Variants in STYK1 observed in about 807,000 individuals in gnomAD.
STYK1 encodes the protein tyrosine-protein kinase STYK1.
STYK1 carries 46 observed loss-of-function variants against 48.1 expected under a neutral mutation model. That is an observed-to-expected ratio of 0.96 (90% confidence interval 0.75 to 1.22). STYK1 has a LOEUF of 1.22. STYK1 is among the 50% of genes most tolerant of loss of function. The pLI, the probability that STYK1 is intolerant of heterozygous loss-of-function variation, is 0.00. For synonymous variants in STYK1, 188 were observed against 189.0 expected, an observed-to-expected ratio of 0.99 and a Z score of 0.04; for missense variants, 527 against 521.1, an observed-to-expected ratio of 1.01 and a Z score of -0.11.
At chr12:10,643,004 G>T (rs187149117) in intron 1 of STYK1, among the ~76,000 whole-genome samples, 5 of 152,042 alleles carry the variant, frequency 3.3e-5, no homozygotes, top group Admixed American at 3.3e-4. Flanking sequence ...CAATTCTGAC[G>T]GGGGCATTAC....
chr12:10,629,413 T>G (rs535846360), intron 6 of STYK1, 80 bp downstream of exon 6: 1 of 1,444,692 alleles, frequency 6.9e-7, no homozygotes, highest in African/African-American at 1.4e-5. Context: ...ATTTTGTCAT[T>G]TGTCACACTA....
intron 1 of STYK1, among the ~76,000 whole-genome samples, chr12:10,665,065 G>A (rs144092428): frequency 6.6e-6 from 1 of 152,308 alleles, no homozygotes; most frequent in Non-Finnish European, 1.5e-5. Flanking sequence ...AAATATGGGT[G>A]AGGAAAAGAG....
Position 10,641,130 on chromosome 12 carries a change from C to T in STYK1, c.-194-3934G>A, listed in dbSNP as rs1947538487. 2.6e-5 allele frequency among the ~76,000 whole-genome samples: 4 copies of T among 152,158 alleles called. 1 individual carries two copies. In the South Asian group the frequency reaches 8.3e-4, roughly 31 times the overall value. Reference sequence around the variant, plus strand: ...CTAATCAATAACAATTTTCCCAGCTCCTCAGTTTCCCCAGCTCAGAATAAG... The same window carrying T: ...CTAATCAATAACAATTTTCCCAGCTTCTCAGTTTCCCCAGCTCAGAATAAG... On this transcript the variant is annotated intron_variant, in intron 1 of 10. Coordinates refer to ENST00000075503, the MANE Select transcript of STYK1 (RefSeq NM_018423.3).
chr12:10,668,451 CTG>C (rs1947857659), intron 1 of STYK1, among the ~76,000 whole-genome samples: 1 of 150,660 alleles, frequency 6.6e-6, no homozygotes, highest in Non-Finnish European at 1.5e-5. Flanking sequence ...TCTTGGCTCA[CTG>C]CAACCTCCGC....
intron 1 of STYK1, among the ~76,000 whole-genome samples, chr12:10,643,746 A>C (rs753134628): frequency 6.6e-6 from 1 of 152,236 alleles, no homozygotes; most frequent in Non-Finnish European, 1.5e-5. Context: ...GAGAGGAGGA[A>C]TATCCAGGCC....
chr12:10,630,032 GGAGAGAGAGAGAGAGAGAGAGAGA>G (rs11268204), intron 5 of STYK1, among the ~76,000 whole-genome samples: 5,065 of 137,304 alleles, frequency 0.037, 414 homozygotes, highest in African/African-American at 0.14. Flanking sequence ...ATCATGAAGA[GGAGAGAGAGAGAGAGAGAGAGAGA>G]GAGAGAGAGA....
chr12:10,634,573 A>T lies in STYK1; in HGVS notation c.46T>A (p.Leu16Met). The change falls in exon 3 of 11, where the codon TTG becomes ATG. Residue 16 changes from leucine to methionine, a missense_variant. Transcript: ENST00000075503. ...CTGTGGAATCCGTACTTACCACACA[A>T]CTTGTCACTGAGACTGCATTCCAGG... ...MLLECSLSDK[L>M]CVIQEKQYEV... is the part of the protein sequence containing the mutation. The T allele has an allele frequency of 6.2e-7, 1 of 1,614,030 alleles. No individual in the cohort carries two copies. Among genetic ancestry groups the T allele is most frequent in the East Asian group, 2.2e-5 (1 of 44,870 alleles).
intron 5 of STYK1, 102 bp downstream of exon 5, chr12:10,630,943 C>T: frequency 6.9e-7 from 1 of 1,450,540 alleles, no homozygotes; most frequent in Non-Finnish European, 9.5e-7. Flanking sequence ...CTTCTGTACA[C>T]AGTTATGATC....
chr12:10,620,868 G>C (rs1371939399), intron 10 of STYK1, among the ~76,000 whole-genome samples: 3 of 152,176 alleles, frequency 2.0e-5, no homozygotes, highest in Non-Finnish European at 4.4e-5. Context: ...CAGAGGTTGT[G>C]GTACCAGGTC....
intron 1 of STYK1, among the ~76,000 whole-genome samples, chr12:10,668,870 G>A (rs144021041): frequency 6.6e-6 from 1 of 152,220 alleles, no homozygotes; most frequent in Non-Finnish European, 1.5e-5. Context: ...GGAGAGCACA[G>A]TCAGCTTCTT....
chr12:10,669,734 T>G (rs1479847113), intron 1 of STYK1, among the ~76,000 whole-genome samples: 1 of 152,110 alleles, frequency 6.6e-6, no homozygotes, highest in Non-Finnish European at 1.5e-5. Flanking sequence ...GTGATTAATA[T>G]CCGGTAAGTG....
chr12:10,622,386 T>C (rs965249193), intron 9 of STYK1, among the ~76,000 whole-genome samples: 2 of 152,146 alleles, frequency 1.3e-5, no homozygotes, highest in Non-Finnish European at 2.9e-5. Context: ...GATTTGGTAA[T>C]ATTTTGGGGA....
chr12:10,652,442 G>A (rs1947672121), intron 1 of STYK1, among the ~76,000 whole-genome samples: 1 of 152,210 alleles, frequency 6.6e-6, no homozygotes, highest in Non-Finnish European at 1.5e-5. Flanking sequence ...ACATATGAAA[G>A]TACTTTAAAG....
intron 1 of STYK1, among the ~76,000 whole-genome samples, chr12:10,650,861 C>T (rs1333304615): frequency 3.3e-5 from 5 of 151,878 alleles, no homozygotes; most frequent in East Asian, 1.9e-4. Flanking sequence ...AAGAATTAGC[C>T]GGGCGTGGTG....
At chr12:10,638,412 G>A (rs1947509120) in intron 1 of STYK1, among the ~76,000 whole-genome samples, 1 of 152,128 alleles carries the variant, frequency 6.6e-6, no homozygotes, top group Non-Finnish European at 1.5e-5. Flanking sequence ...GATACAAAAG[G>A]GAGGAGAATG....
intron 7 of STYK1, among the ~76,000 whole-genome samples, chr12:10,626,889 C>T (rs929297680): frequency 3.9e-5 from 6 of 152,034 alleles, no homozygotes; most frequent in African/African-American, 7.2e-5. Context: ...CGCCTGTGGT[C>T]CCAGCTACTC....
chr12:10,625,729 T>C (rs1031049880), intron 7 of STYK1, among the ~76,000 whole-genome samples: 6 of 152,204 alleles, frequency 3.9e-5, no homozygotes, highest in African/African-American at 9.7e-5. Flanking sequence ...TTATAATTCA[T>C]AGGATGTACT....
At position 10,634,085 on chromosome 12, in the gene STYK1, G is replaced by C. The variant is rs780850321; in HGVS notation, c.92C>G (p.Thr31Ser). 1.2e-6 allele frequency: 2 copies of C among 1,614,130 alleles called. No homozygotes were observed. Among genetic ancestry groups the C allele is most frequent in the South Asian group, 2.2e-5 (2 of 91,072 alleles). Residue 31 changes from threonine to serine, a missense_variant, in exon 4 of 11, where the codon ACT becomes AGT. Coordinates refer to ENST00000075503, the MANE Select transcript of STYK1 (RefSeq NM_018423.3). ...EKQYEVIIVP[T>S]LLVTIFLILL... ...GATGAGGAAGATAGTAACCAACAAA[G>C]TTGGGACGATAATCACTTCATACTG... is the stretch of plus-strand genomic sequence containing the variant.
At chr12:10,660,800 C>T (rs188574146) in intron 1 of STYK1, among the ~76,000 whole-genome samples, 86 of 152,292 alleles carry the variant, frequency 5.6e-4, no homozygotes, top group Non-Finnish European at 1.1e-3. Flanking sequence ...GCCATGGCAA[C>T]ATCAGGAAGT....
Sources: gnomAD v4.1 joint callset for allele counts (sites outside exome capture counted in the v4.1 genomes callset) on GRCh38, gnomAD v4.1.1 for gene constraint, MANE v1.5 for transcripts, NCBI Gene and HGNC (gene_info 2026-07-23, HGNC 2026-07-21) for gene names.